The following PCM1 variants were observed in gnomAD, a reference collection of about 807,000 sequenced individuals.
PCM1 encodes pericentriolar material 1.
PCM1 carries 157 observed loss-of-function variants against 241.9 expected under a neutral mutation model. The ratio of observed to expected loss-of-function variants is 0.65; its 90% CI spans 0.57 to 0.74. The LOEUF (loss-of-function observed/expected upper bound fraction) is 0.74, where lower values mean the gene tolerates loss of function less well. Among genes scored for constraint, PCM1 ranks in the 30% least tolerant of loss-of-function variants. The pLI, the probability that PCM1 is intolerant of heterozygous loss-of-function variation, is 0.00. For missense variants in PCM1, 3,478 were observed against 2,360.1 expected (o/e 1.47, Z -9.81); for synonymous variants, 1,085 against 784.9 (o/e 1.38, Z -6.39).
intron 2 of PCM1, among the ~76,000 whole-genome samples, chr8:17,930,902 C>T (rs1013253419): frequency 2.6e-5 from 4 of 152,034 alleles, no homozygotes; most frequent in African/African-American, 9.6e-5. Flanking sequence ...AGAATTCATC[C>T]ATATGCAATT....
At chr8:17,991,473 T>A in intron 27 of PCM1, 69 bp from the exon 28 acceptor site, 1 of 1,314,244 alleles carries the variant, frequency 7.6e-7, no homozygotes, top group Non-Finnish European at 1.0e-6. Flanking sequence ...TTTTTATTAA[T>A]GCATTTTGAG....
intron 36 of PCM1, among the ~76,000 whole-genome samples, chr8:18,019,330 C>A (rs2093574409): frequency 1.3e-5 from 2 of 152,278 alleles, no homozygotes; most frequent in East Asian, 1.9e-4. Context: ...GAGCGGCTGT[C>A]CTCAGCCTTT....
At chr8:17,932,278 G>A (rs1168812196) in intron 2 of PCM1, among the ~76,000 whole-genome samples, 1 of 152,056 alleles carries the variant, frequency 6.6e-6, no homozygotes, top group African/African-American at 2.4e-5. Context: ...ATTTAAGGTT[G>A]TTTTCTTAGA....
chr8:17,923,144 T>A lies in PCM1; in HGVS notation c.-135T>A, dbSNP rs2055157907. The A allele has an allele frequency of 6.6e-6, 1 of 152,550 alleles. No homozygotes were observed. The highest frequency in any genetic ancestry group is 1.5e-5 in the Non-Finnish European group (1 of 68,334). 9.4% of individuals were successfully genotyped at this position (152,550 alleles called of 1,614,324 possible). On this transcript the variant is annotated 5_prime_UTR_variant, in exon 1 of 39. Coordinates refer to ENST00000325083, the MANE Select transcript of PCM1 (RefSeq NM_006197.4). ...GCTGCCGGCGGCGGGTCGTGGGGGC[T>A]GACTGTCGCTCTGCCTTTGACAGGA...
Position 18,025,946 on chromosome 8 carries a change from C to T in PCM1, c.6049+288C>T, listed in dbSNP as rs544578032. ...TTGGGAGGCCAAGGCGGGTGGATCA[C>T]GAGGTCAGGAGATGGAGACCATCCT... is the stretch of plus-strand genomic sequence containing the variant. On this transcript the variant is annotated intron_variant, in intron 38 of 38. Transcript: ENST00000325083. 2.3e-3 allele frequency among the ~76,000 whole-genome samples: 344 copies of T among 151,832 alleles called. 1 individual carries two copies. The highest frequency in any genetic ancestry group is 8.0e-3 in the African/African-American group (333 of 41,454).
intron 7 of PCM1, among the ~76,000 whole-genome samples, chr8:17,949,401 A>T (rs990023777): frequency 2.0e-5 from 3 of 151,980 alleles, no homozygotes; most frequent in South Asian, 2.1e-4. Flanking sequence ...GACATATAGG[A>T]TTCTATATAG....
intron 6 of PCM1, among the ~76,000 whole-genome samples, chr8:17,945,333 A>G (rs1448799296): frequency 6.6e-6 from 1 of 152,134 alleles, no homozygotes; most frequent in Non-Finnish European, 1.5e-5. Flanking sequence ...TTAATTTGTT[A>G]AAAGTTTCAG....
At chr8:18,000,968 G>A (rs2089185722) in intron 29 of PCM1, among the ~76,000 whole-genome samples, 1 of 152,212 alleles carries the variant, frequency 6.6e-6, no homozygotes, top group African/African-American at 2.4e-5. Flanking sequence ...GAGAGGTCAA[G>A]TAGTCATTTG....
chr8:18,013,841 A>AGATACTTTTAAATTTCT, intron 34 of PCM1, 123 bp from the exon 35 acceptor site: 1 of 633,748 alleles, frequency 1.6e-6, no homozygotes, highest in South Asian at 2.0e-5. Flanking sequence ...TAGTTTTAGA[A>AGATACTTTTAAATTTCT]GATACTTTTA....
chr8:17,984,542 T>C (rs2081983722), intron 24 of PCM1, among the ~76,000 whole-genome samples: 1 of 151,974 alleles, frequency 6.6e-6, no homozygotes, highest in African/African-American at 2.4e-5. Flanking sequence ...TATTATTTCA[T>C]GCTTGTGGAA....
At chr8:17,980,791 G>A (rs1418114409) in intron 24 of PCM1, 36 bp downstream of exon 24, 4 of 1,494,690 alleles carry the variant, frequency 2.7e-6, no homozygotes, top group Non-Finnish European at 3.6e-6. Context: ...ATATAAGGAG[G>A]TTTTCAGCTT....
chr8:17,983,135 CTTAT>C, intron 24 of PCM1: 1 of 451,262 alleles, frequency 2.2e-6, no homozygotes, highest in Admixed American at 4.3e-5. Flanking sequence ...AAGAAATTCG[CTTAT>C]TTCTTTTTTT....
chr8:18,013,494 A>G (rs1268773913), intron 34 of PCM1, among the ~76,000 whole-genome samples: 1 of 152,168 alleles, frequency 6.6e-6, no homozygotes, highest in Non-Finnish European at 1.5e-5. Flanking sequence ...TTCCTTAAAC[A>G]GTTTTAAACA....
chr8:17,930,305 G>A (rs577940773), intron 2 of PCM1, among the ~76,000 whole-genome samples: 13 of 151,596 alleles, frequency 8.6e-5, no homozygotes, highest in Admixed American at 5.9e-4. Flanking sequence ...GGGTTTCACC[G>A]TGTTAGCCAG....
At chr8:17,961,091 A>G (rs1319314381) in intron 15 of PCM1, among the ~76,000 whole-genome samples, 1 of 152,136 alleles carries the variant, frequency 6.6e-6, no homozygotes, top group Non-Finnish European at 1.5e-5. Context: ...ATATAATAAA[A>G]TCTTTAAGCC....
chr8:17,993,686 C>A, intron 29 of PCM1, 67 bp downstream of exon 29: 2 of 1,355,396 alleles, frequency 1.5e-6, no homozygotes, highest in South Asian at 1.4e-5. Context: ...TACAGAAGAC[C>A]TTATTGTGAT....
At chr8:18,007,766 C>A (rs2091731284) in intron 30 of PCM1, among the ~76,000 whole-genome samples, 1 of 152,036 alleles carries the variant, frequency 6.6e-6, no homozygotes, top group Non-Finnish European at 1.5e-5. Context: ...GAAACCCGTT[C>A]AAGAATTGTT....
chr8:17,969,410 C>T, intron 21 of PCM1, 167 bp from the exon 22 acceptor site: 1 of 569,164 alleles, frequency 1.8e-6, no homozygotes, highest in Non-Finnish European at 3.0e-6. Flanking sequence ...ACATAGTGGC[C>T]TAAGCTGTGA....
intron 6 of PCM1, among the ~76,000 whole-genome samples, chr8:17,941,446 C>T (rs1426110536): frequency 1.3e-5 from 2 of 151,516 alleles, no homozygotes; most frequent in Non-Finnish European, 2.9e-5. Flanking sequence ...TGCTTAGTTA[C>T]AGTAAGCAAC....
Sources: gnomAD v4.1 joint callset for allele counts (sites outside exome capture counted in the v4.1 genomes callset) on GRCh38, gnomAD v4.1.1 for gene constraint, MANE v1.5 for transcripts, NCBI Gene and HGNC (gene_info 2026-07-23, HGNC 2026-07-21) for gene names.